DDR2: variants seen among roughly 807,000 people sequenced by gnomAD.
DDR2 encodes the protein discoidin domain-containing receptor 2.
DDR2 carries 27 observed loss-of-function variants against 94.9 expected under a neutral mutation model. The observed-to-expected ratio is 0.28, with a 90% confidence interval of 0.21 to 0.39. The LOEUF is 0.39. Among genes scored for constraint, DDR2 ranks in the 10% least tolerant of loss-of-function variants. The probability of loss-of-function intolerance (pLI) is 1.00; values close to 1 mark genes in which losing one functional copy is unlikely to be tolerated. For missense variants in DDR2, 783 were observed against 1,076.0 expected, an observed-to-expected ratio of 0.73 and a Z score of 3.81; for synonymous variants, 382 against 377.2, an observed-to-expected ratio of 1.01 and a Z score of -0.15.
rs1664209649 is a variant in DDR2 at position 162,770,444 on chromosome 1, C to T, written c.1436C>T (p.Pro479Leu). 2 of 1,614,020 alleles carry T rather than the reference C, an allele frequency of 1.2e-6. No homozygotes were observed. The highest frequency in any genetic ancestry group is 2.7e-5 in the African/African-American group (2 of 74,900). The change falls in exon 12 of 18, where the codon CCT (proline) becomes CTT (leucine). Residue 479 changes from proline (P) to leucine (L), a missense_variant. Physicochemically the swap from Pro to Leu is moderately conservative, Grantham distance 98. This residue lies in a region of DDR2 where 519 missense variants were observed against 647.9 expected (regional missense o/e 0.80). Transcript: ENST00000367921. The part of the protein sequence containing the change: ...STYDRIFPLR[P>L]DYQEPSRLIR... ...TACGATCGCATCTTTCCCCTTCGCC[C>T]TGACTACCAGGAGCCATCCAGGCTG... is the stretch of plus-strand genomic sequence containing the variant.
At chr1:162,646,357 A>G (rs1657406287) in intron 1 of DDR2, among the ~76,000 whole-genome samples, 1 of 152,218 alleles carries the variant, frequency 6.6e-6, no homozygotes, top group African/African-American at 2.4e-5. Flanking sequence ...TCCATTAATA[A>G]TTAAAAATGA....
chr1:162,745,641 G>A (rs529092057), intron 3 of DDR2, among the ~76,000 whole-genome samples: 18 of 151,706 alleles, frequency 1.2e-4, no homozygotes, highest in African/African-American at 4.4e-4. Flanking sequence ...GACCTGTGTG[G>A]GTGACTTCCA....
rs145768924 is a variant in DDR2 at position 162,636,021 on chromosome 1, C to G, written c.-192+3390C>G. Among the ~76,000 whole-genome samples, 29 of 152,304 alleles carry G rather than the reference C, an allele frequency of 1.9e-4. No individual in the cohort carries two copies. In the East Asian group the frequency reaches 4.1e-3, roughly 21 times the overall value. On this transcript the variant is annotated intron_variant, in intron 1 of 17. Transcript: ENST00000367921. ...GGATATTTATTGGAACATCAATCAC[C>G]TCGTGTCTAAAGTGATGATCTCTGT...
chr1:162,742,984 CACA>C (rs1571275202), intron 3 of DDR2, among the ~76,000 whole-genome samples: 2 of 152,234 alleles, frequency 1.3e-5, no homozygotes, highest in South Asian at 4.2e-4. Context: ...AGGTCCCTCC[CACA>C]ACATGTGGGA....
chr1:162,664,256 C>T (rs1223584694), intron 2 of DDR2, among the ~76,000 whole-genome samples: 1 of 152,054 alleles, frequency 6.6e-6, no homozygotes, highest in African/African-American at 2.4e-5. Context: ...TCTAGTAATT[C>T]TTCCTAACTC....
At chr1:162,687,479 G>A (rs186951878) in intron 2 of DDR2, among the ~76,000 whole-genome samples, 162 of 152,290 alleles carry the variant, frequency 1.1e-3, no homozygotes, top group Admixed American at 2.5e-3. Flanking sequence ...TTATTTTGAA[G>A]TGGGTTTTTT....
intron 3 of DDR2, among the ~76,000 whole-genome samples, chr1:162,741,918 C>T (rs1352948614): frequency 6.6e-6 from 1 of 152,316 alleles, no homozygotes; most frequent in East Asian, 1.9e-4. Flanking sequence ...TTAGAGCAGG[C>T]CCCTGAGAGG....
At chr1:162,692,952 A>G (rs1027052810) in intron 2 of DDR2, among the ~76,000 whole-genome samples, 1 of 152,216 alleles carries the variant, frequency 6.6e-6, no homozygotes, top group Non-Finnish European at 1.5e-5. Context: ...AAAATAAATT[A>G]TAGGCTATTT....
intron 3 of DDR2, among the ~76,000 whole-genome samples, chr1:162,746,312 G>A (rs747682662): frequency 6.6e-6 from 1 of 152,230 alleles, no homozygotes; most frequent in East Asian, 1.9e-4. Context: ...CGGCACACCA[G>A]GAGATTATAT....
At chr1:162,746,889 C>T (rs1271780701) in intron 3 of DDR2, among the ~76,000 whole-genome samples, 1 of 152,182 alleles carries the variant, frequency 6.6e-6, no homozygotes, top group African/African-American at 2.4e-5. Context: ...TGGAGTGGAC[C>T]TCCAGCAAAC....
chr1:162,710,916 G>A (rs550678937), intron 2 of DDR2, among the ~76,000 whole-genome samples: 1 of 152,242 alleles, frequency 6.6e-6, no homozygotes, highest in East Asian at 1.9e-4. Flanking sequence ...GGAGAGGCCT[G>A]GCCTGGGCTA....
At chr1:162,708,981 A>G (rs1391676067) in intron 2 of DDR2, among the ~76,000 whole-genome samples, 1 of 152,234 alleles carries the variant, frequency 6.6e-6, no homozygotes, top group Non-Finnish European at 1.5e-5. Context: ...GGTAACATTT[A>G]TGAGACAGGT....
At chr1:162,741,447 G>A in intron 3 of DDR2, 1 of 339,306 alleles carries the variant, frequency 2.9e-6, no homozygotes, top group Non-Finnish European at 4.2e-6. Context: ...TTTTGGATTT[G>A]AGATACTCAA....
chr1:162,747,782 T>C (rs1662959326), intron 3 of DDR2, among the ~76,000 whole-genome samples: 1 of 152,174 alleles, frequency 6.6e-6, no homozygotes. Flanking sequence ...GGGAAGCCCA[T>C]CAGCCTAATA....
chr1:162,759,681 G>T, intron 7 of DDR2, 115 bp from the exon 8 acceptor site: 1 of 1,194,380 alleles, frequency 8.4e-7, no homozygotes, highest in Middle Eastern at 2.7e-4. Context: ...TCAATTCCAA[G>T]ATAATAAGCT....
chr1:162,751,339 T>C (rs1663183188), intron 3 of DDR2, among the ~76,000 whole-genome samples: 1 of 152,024 alleles, frequency 6.6e-6, no homozygotes, highest in African/African-American at 2.4e-5. Context: ...GGGCAAAGAA[T>C]ATGAATAGAA....
chr1:162,779,534 G>A (rs897112272), intron 17 of DDR2, among the ~76,000 whole-genome samples: 3 of 152,156 alleles, frequency 2.0e-5, no homozygotes, highest in African/African-American at 7.2e-5. Context: ...AGATAGATAA[G>A]GTATTGACAA....
chr1:162,660,346 G>A (rs1367238810), intron 2 of DDR2, among the ~76,000 whole-genome samples: 1 of 151,426 alleles, frequency 6.6e-6, no homozygotes, highest in East Asian at 1.9e-4. Flanking sequence ...AGGCGGCGGT[G>A]GGCAGTTGGG....
intron 2 of DDR2, among the ~76,000 whole-genome samples, chr1:162,705,515 C>A (rs1289366711): frequency 6.6e-6 from 1 of 152,194 alleles, no homozygotes; most frequent in Non-Finnish European, 1.5e-5. Flanking sequence ...GAGCAGCATT[C>A]CTTCTGGATC....
Sources: gnomAD v4.1 joint callset for allele counts (sites outside exome capture counted in the v4.1 genomes callset) on GRCh38, gnomAD v4.1.1 for gene constraint, gnomAD v4.1.1 regional missense constraint, MANE v1.5 for transcripts, NCBI Gene and HGNC (gene_info 2026-07-23, HGNC 2026-07-21) for gene names.